The following MRPL1 variants were observed in gnomAD, a reference collection of about 807,000 sequenced individuals.
The protein encoded by MRPL1 is large ribosomal subunit protein uL1m.
Under a neutral mutation model 38.0 loss-of-function variants are expected in MRPL1, and 28 were observed. That is an observed-to-expected ratio of 0.74 (90% confidence interval 0.55 to 1.01). The LOEUF (loss-of-function observed/expected upper bound fraction) is 1.01, where lower values mean the gene tolerates loss of function less well. Ranked by LOEUF, MRPL1 falls within the 50% of genes least tolerant of loss-of-function variation. MRPL1 has a pLI of 0.00. For synonymous variants in MRPL1, 123 were observed against 126.7 expected, an observed-to-expected ratio of 0.97 and a Z score of 0.20; for missense variants, 358 against 389.8, an observed-to-expected ratio of 0.92 and a Z score of 0.69.
intron 5 of MRPL1, among the ~76,000 whole-genome samples, chr4:77,891,513 G>C (rs536053655): frequency 2.0e-5 from 3 of 151,932 alleles, no homozygotes; most frequent in Admixed American, 6.6e-5. Flanking sequence ...CTGCCACTGT[G>C]CCCAGCTAAT....
intron 5 of MRPL1, among the ~76,000 whole-genome samples, chr4:77,889,517 C>A (rs1266171928): frequency 6.6e-6 from 1 of 152,112 alleles, no homozygotes; most frequent in South Asian, 2.1e-4. Flanking sequence ...TAAATGCCCA[C>A]AAGAGAAAGC....
At chr4:77,879,671 G>C (rs563596405) in intron 2 of MRPL1, among the ~76,000 whole-genome samples, 23 of 152,264 alleles carry the variant, frequency 1.5e-4, no homozygotes, top group Non-Finnish European at 2.5e-4. Context: ...CCTAAAACAG[G>C]CTCTCCAAAA....
At chr4:77,864,000 G>GTT (rs34560176) in intron 1 of MRPL1, among the ~76,000 whole-genome samples, 4 of 125,888 alleles carry the variant, frequency 3.2e-5, no homozygotes, top group East Asian at 2.3e-4. Flanking sequence ...CTGCATCACA[G>GTT]TTTTTTTTTT....
At chr4:77,862,903 G>C in intron 1 of MRPL1, 24 bp downstream of exon 1, 2 of 1,614,130 alleles carry the variant, frequency 1.2e-6, no homozygotes, top group Non-Finnish European at 1.7e-6. Flanking sequence ...TTGTCTTGCA[G>C]GGGAAATGGC....
rs939749661 is a variant in MRPL1 at position 77,949,709 on chromosome 4, T to A, written c.778-88T>A. ...AGGGTCATTTACTAGATAATTTGCA[T>A]TGGTTGACTATTTGAAAAATAGTCT... On this transcript the variant is annotated intron_variant, in intron 7 of 8. Transcript: ENST00000315567. The A allele has an allele frequency of 4.6e-6, 4 of 869,660 alleles. No homozygotes were observed. In the African/African-American group the frequency reaches 6.9e-5, roughly 15 times the overall value. 53.9% of individuals were successfully genotyped at this position (869,660 alleles called of 1,614,324 possible).
chr4:77,885,924 A>G (rs1735666681), intron 4 of MRPL1, among the ~76,000 whole-genome samples: 1 of 152,202 alleles, frequency 6.6e-6, no homozygotes, highest in Non-Finnish European at 1.5e-5. Context: ...GAATTTATCA[A>G]TTTATCCTAT....
At position 77,887,242 on chromosome 4, in the gene MRPL1, C is replaced by G; in HGVS notation, c.509C>G (p.Ala170Gly). The change falls in exon 5 of 9, where the codon GCG (alanine) becomes GGG (glycine). Residue 170 changes from alanine (A) to glycine (G), a missense_variant. Ala to Gly is a moderately conservative substitution (Grantham distance 60). Coordinates refer to ENST00000315567, the MANE Select transcript of MRPL1 (RefSeq NM_020236.4). ...TAGAATGCATCAGAGGTCAAAATAG[C>G]GGAAGAAAATGGAGCTGCATTTGCA... ...FTENASEVKI[A>G]EENGAAFAGG... 6.2e-7 allele frequency: 1 copy of G among 1,613,616 alleles called. No homozygotes were observed. The highest frequency in any genetic ancestry group is 8.5e-7 in the Non-Finnish European group (1 of 1,179,642).
At chr4:77,871,405 A>G (rs1386722537) in intron 1 of MRPL1, among the ~76,000 whole-genome samples, 2 of 151,916 alleles carry the variant, frequency 1.3e-5, no homozygotes, top group Non-Finnish European at 2.9e-5. Flanking sequence ...CCTGGGTTCA[A>G]ACGATTCTCC....
At chr4:77,935,931 C>A (rs1442570600) in intron 7 of MRPL1, among the ~76,000 whole-genome samples, 328 of 121,504 alleles carry the variant, frequency 2.7e-3, no homozygotes, top group Non-Finnish European at 2.9e-3. Context: ...GACTATGTCT[C>A]AAAAAAAAAA....
intron 7 of MRPL1, among the ~76,000 whole-genome samples, chr4:77,943,608 C>T (rs1046091539): frequency 2.6e-5 from 4 of 151,926 alleles, no homozygotes; most frequent in African/African-American, 9.7e-5. Flanking sequence ...TGAGTTAATT[C>T]AAAAATCTTG....
intron 8 of MRPL1, among the ~76,000 whole-genome samples, chr4:77,951,697 T>C (rs1263194453): frequency 2.9e-4 from 44 of 152,252 alleles, no homozygotes; most frequent in Admixed American, 2.8e-3. Flanking sequence ...GGAATTTGCA[T>C]GTTCTCCTCA....
chr4:77,944,180 T>C (rs1737200330), intron 7 of MRPL1, among the ~76,000 whole-genome samples: 1 of 152,176 alleles, frequency 6.6e-6, no homozygotes, highest in Non-Finnish European at 1.5e-5. Flanking sequence ...ACCCAGCAGT[T>C]ACCAGGCTCC....
chr4:77,865,873 C>T (rs1424036279), intron 1 of MRPL1, among the ~76,000 whole-genome samples: 1 of 152,164 alleles, frequency 6.6e-6, no homozygotes, highest in Non-Finnish European at 1.5e-5. Flanking sequence ...TCATGTTACT[C>T]CTGTGCTCAG....
intron 7 of MRPL1, among the ~76,000 whole-genome samples, chr4:77,942,015 A>G (rs991879757): frequency 4.6e-5 from 7 of 152,240 alleles, no homozygotes; most frequent in African/African-American, 1.4e-4. Context: ...ATTGAAGGCT[A>G]TGAACTTTCC....
intron 2 of MRPL1, among the ~76,000 whole-genome samples, chr4:77,877,310 G>C (rs942165303): frequency 6.6e-6 from 1 of 152,070 alleles, no homozygotes; most frequent in Non-Finnish European, 1.5e-5. Context: ...CCCTTCATCT[G>C]TCAGAGCATT....
At chr4:77,938,708 C>A (rs1578062871) in intron 7 of MRPL1, among the ~76,000 whole-genome samples, 1 of 152,180 alleles carries the variant, frequency 6.6e-6, no homozygotes, top group East Asian at 1.9e-4. Flanking sequence ...AGTCTGTTAA[C>A]CCTTAGTTGT....
At chr4:77,888,946 A>G (rs1735745548) in intron 5 of MRPL1, among the ~76,000 whole-genome samples, 1 of 152,142 alleles carries the variant, frequency 6.6e-6, no homozygotes, top group African/African-American at 2.4e-5. Context: ...CTAAATATAT[A>G]TGCACCCAAT....
intron 8 of MRPL1, among the ~76,000 whole-genome samples, chr4:77,951,093 C>A (rs971682348): frequency 6.6e-5 from 10 of 152,222 alleles, no homozygotes; most frequent in Admixed American, 3.3e-4. Flanking sequence ...TGGTCTCGAA[C>A]TCCTGACCTC....
chr4:77,944,900 G>A (rs906840527), intron 7 of MRPL1, among the ~76,000 whole-genome samples: 1 of 151,958 alleles, frequency 6.6e-6, no homozygotes, highest in African/African-American at 2.4e-5. Context: ...GTGGAAGTGG[G>A]GTTTGTCTGC....
Sources: allele counts gnomAD v4.1 joint callset (sites outside exome capture counted in the v4.1 genomes callset), GRCh38; gene constraint gnomAD v4.1.1; transcripts MANE v1.5; gene names NCBI Gene and HGNC (gene_info 2026-07-23, HGNC 2026-07-21).